The following FYB2 variants were observed in gnomAD, a reference collection of about 807,000 sequenced individuals.
FYB2 encodes FYN binding protein 2.
A neutral mutation model predicts 94.1 loss-of-function variants in FYB2; 103 were observed. The observed-to-expected ratio is 1.09, with a 90% CI of 0.93 to 1.29. The LOEUF is 1.29. FYB2 is among the 50% of genes most tolerant of loss of function. FYB2 has a pLI of 0.00. For missense variants in FYB2, 896 were observed against 841.5 expected (o/e 1.06, Z -0.80); for synonymous variants, 293 against 287.9 (o/e 1.02, Z -0.18).
At position 56,758,751 on chromosome 1, in the gene FYB2, C is replaced by T. The variant is rs1645418553; in HGVS notation, c.1064-1G>A. The T allele has an allele frequency of 1.3e-6, 2 of 1,595,220 alleles. No homozygotes were observed. The highest frequency in any genetic ancestry group is 1.7e-6 in the Non-Finnish European group (2 of 1,169,804). On this transcript the variant is annotated splice_acceptor_variant, in intron 5 of 19. Transcript: ENST00000343433. LOFTEE classifies it high-confidence loss of function. ...TCTTCAATTCCAACTTCATAAGTTGCTAAAGTAAACATAAAAAAATTATTT... is the reference window on the plus strand; with the variant it reads ...TCTTCAATTCCAACTTCATAAGTTGTTAAAGTAAACATAAAAAAATTATTT...
chr1:56,795,403 T>C (rs1375344408), intron 1 of FYB2, among the ~76,000 whole-genome samples: 1 of 152,218 alleles, frequency 6.6e-6, no homozygotes, highest in African/African-American at 2.4e-5. Flanking sequence ...AGATTGCTTC[T>C]ATATCTTAGC....
rs532898580 is a variant in FYB2 at position 56,763,839 on chromosome 1, T to C, written c.1063+3990A>G. Among the ~76,000 whole-genome samples, 59 of 152,284 alleles carry C rather than the reference T, an allele frequency of 3.9e-4. No individual in the cohort carries two copies. The South Asian group carries it at 0.012, about 30-fold the overall frequency. Reference sequence around the variant, plus strand: ...CTTATCCTTATTGTTTCCTTCCTGCTACTTGCTTTCAAGAATTTTTCTCTG... The same window carrying C: ...CTTATCCTTATTGTTTCCTTCCTGCCACTTGCTTTCAAGAATTTTTCTCTG... On this transcript the variant is annotated intron_variant, in intron 5 of 19. Transcript: ENST00000343433.
At chr1:56,757,894 C>CGA (rs1645395382) in intron 6 of FYB2, among the ~76,000 whole-genome samples, 1 of 150,850 alleles carries the variant, frequency 6.6e-6, no homozygotes, top group South Asian at 2.1e-4. Flanking sequence ...CTCAGCCTCT[C>CGA]GAGTAGCTGG....
At chr1:56,739,668 G>A (rs897368306) in intron 13 of FYB2, among the ~76,000 whole-genome samples, 4 of 152,052 alleles carry the variant, frequency 2.6e-5, no homozygotes, top group Admixed American at 2.0e-4. Flanking sequence ...AAAGCAATAC[G>A]CATTCAGTAG....
intron 2 of FYB2, 121 bp downstream of exon 2, chr1:56,791,935 G>A: frequency 2.2e-6 from 3 of 1,356,062 alleles, no homozygotes; most frequent in Non-Finnish European, 2.9e-6. Flanking sequence ...ATATCACGTG[G>A]AGAGTCTGGA....
intron 17 of FYB2, 109 bp from the exon 18 acceptor site, chr1:56,720,438 T>C: frequency 5.0e-6 from 5 of 1,000,858 alleles, no homozygotes; most frequent in Non-Finnish European, 7.0e-6. Flanking sequence ...CAAGATACTA[T>C]TGACTAGTTA....
At chr1:56,764,093 G>A (rs1262759306) in intron 5 of FYB2, among the ~76,000 whole-genome samples, 3 of 151,146 alleles carry the variant, frequency 2.0e-5, no homozygotes, top group Non-Finnish European at 2.9e-5. Flanking sequence ...TAGAATTACA[G>A]GTGTCCACTG....
chr1:56,797,256 G>T (rs1245689199), intron 1 of FYB2, among the ~76,000 whole-genome samples: 3 of 152,162 alleles, frequency 2.0e-5, no homozygotes, highest in Middle Eastern at 3.2e-3. Context: ...AGTGTATGAG[G>T]CTGGAGAAGA....
At chr1:56,756,038 C>T (rs61765488) in intron 6 of FYB2, 111 bp from the exon 7 acceptor site, 1 of 981,774 alleles carries the variant, frequency 1.0e-6, no homozygotes, top group Non-Finnish European at 1.6e-6. Flanking sequence ...GATGAAGCCT[C>T]AGTAGAGAGC....
chr1:56,814,642 C>G (rs1001671031), intron 1 of FYB2, among the ~76,000 whole-genome samples: 1 of 152,110 alleles, frequency 6.6e-6, no homozygotes, highest in Non-Finnish European at 1.5e-5. Context: ...TTCCTTTTCT[C>G]CTTCTCAGAA....
the FYB2 span, chr1:56,826,480 T>C: frequency 6.6e-6 from 1 of 152,426 alleles, no homozygotes; most frequent in African/African-American, 2.4e-5. Context: ...ATTTCTGAGC[T>C]CTCCATGCTG....
intron 4 of FYB2, among the ~76,000 whole-genome samples, chr1:56,775,150 C>A (rs1016567606): frequency 6.6e-6 from 1 of 152,112 alleles, no homozygotes; most frequent in African/African-American, 2.4e-5. Flanking sequence ...ATATATACAT[C>A]TACCCTATTA....
intron 3 of FYB2, among the ~76,000 whole-genome samples, chr1:56,788,426 T>C (rs1570153995): frequency 6.6e-6 from 1 of 151,886 alleles, no homozygotes; most frequent in Admixed American, 6.6e-5. Context: ...GGATGAGAGG[T>C]GTTCCTTTAA....
chr1:56,792,924 AC>A, intron 1 of FYB2, 121 bp from the exon 2 acceptor site: 1 of 1,068,754 alleles, frequency 9.4e-7, no homozygotes, highest in Non-Finnish European at 1.3e-6. Context: ...CACTGATCTC[AC>A]CATGTTAAGG....
At chr1:56,813,842 G>A (rs1204477382) in intron 1 of FYB2, among the ~76,000 whole-genome samples, 1 of 152,102 alleles carries the variant, frequency 6.6e-6, no homozygotes, top group Admixed American at 6.5e-5. Flanking sequence ...GAGATAACTG[G>A]GACACAGACA....
chr1:56,812,956 T>C (rs536148784), intron 1 of FYB2, among the ~76,000 whole-genome samples: 2 of 152,290 alleles, frequency 1.3e-5, no homozygotes, highest in African/African-American at 2.4e-5. Flanking sequence ...GCCTTACAGT[T>C]CTAGAGGCAA....
chr1:56,799,018 C>T (rs1557661579), intron 1 of FYB2, among the ~76,000 whole-genome samples: 1 of 152,162 alleles, frequency 6.6e-6, no homozygotes, highest in Admixed American at 6.5e-5. Flanking sequence ...ATATTTTCCC[C>T]TTTGCTAGTT....
chr1:56,805,445 A>G (rs1435603880), intron 1 of FYB2, among the ~76,000 whole-genome samples: 1 of 152,192 alleles, frequency 6.6e-6, no homozygotes, highest in African/African-American at 2.4e-5. Context: ...CAGCTTGTGT[A>G]TGTTGTCGTG....
chr1:56,816,109 C>A (rs538020702), intron 1 of FYB2, among the ~76,000 whole-genome samples: 1 of 152,268 alleles, frequency 6.6e-6, no homozygotes, highest in East Asian at 1.9e-4. Context: ...TTAATGAAAA[C>A]AAACCACCCC....
Sources: gnomAD v4.1 joint callset for allele counts (sites outside exome capture counted in the v4.1 genomes callset) on GRCh38, gnomAD v4.1.1 for gene constraint, MANE v1.5 for transcripts, NCBI Gene and HGNC (gene_info 2026-07-23, HGNC 2026-07-21) for gene names.